Variants in PAPPA observed in about 807,000 individuals in gnomAD.
PAPPA encodes pappalysin 1.
Under a neutral mutation model 164.0 loss-of-function variants are expected in PAPPA, and 60 were observed. That is an observed-to-expected ratio of 0.37 (90% CI 0.30 to 0.45). PAPPA has a LOEUF of 0.45. PAPPA is among the 20% of genes least tolerant of loss of function. PAPPA has a pLI of 1.00. For missense variants in PAPPA, 1,782 were observed against 2,087.3 expected, an observed-to-expected ratio of 0.85 and a Z score of 2.85; for synonymous variants, 875 against 814.1, an observed-to-expected ratio of 1.07 and a Z score of -1.27.
At chr9:116,195,017 T>C (rs1245100718) in intron 2 of PAPPA, among the ~76,000 whole-genome samples, 1 of 152,228 alleles carries the variant, frequency 6.6e-6, no homozygotes, top group Non-Finnish European at 1.5e-5. Flanking sequence ...ACTTTTAAAA[T>C]GACCCAAATG....
chr9:116,288,821 A>C (rs1440711235), intron 9 of PAPPA: 1 of 151,876 alleles, frequency 6.6e-6, no homozygotes, highest in Non-Finnish European at 1.5e-5. Flanking sequence ...ATGGTCTTTG[A>C]GGTGAACCAA....
At chr9:116,205,278 G>A (rs1208102615) in intron 2 of PAPPA, among the ~76,000 whole-genome samples, 1 of 152,024 alleles carries the variant, frequency 6.6e-6, no homozygotes, top group East Asian at 1.9e-4. Context: ...GAAAAGATTG[G>A]CTTCTGCAAT....
At position 116,250,280 on chromosome 9, in the gene PAPPA, T is replaced by G. The variant is rs577855586; in HGVS notation, c.2732+14643T>G. Among the ~76,000 whole-genome samples, 3 of 152,292 alleles carry G rather than the reference T, an allele frequency of 2.0e-5. No homozygotes were observed. In the South Asian group the frequency reaches 6.2e-4, roughly 32 times the overall value. On this transcript the variant is annotated intron_variant, in intron 7 of 21. Transcript: ENST00000328252. Reference sequence around the variant, plus strand: ...GACACAACCTCACTGTGCAAAGCAATGCCAGCTCCCCTTCCATTCTGATGC... The same window carrying G: ...GACACAACCTCACTGTGCAAAGCAAGGCCAGCTCCCCTTCCATTCTGATGC...
intron 7 of PAPPA, among the ~76,000 whole-genome samples, chr9:116,255,399 A>G (rs1485327291): frequency 6.6e-6 from 1 of 152,102 alleles, no homozygotes; most frequent in Non-Finnish European, 1.5e-5. Flanking sequence ...AAAATTTGGT[A>G]AAGTAACTAA....
intron 10 of PAPPA, among the ~76,000 whole-genome samples, chr9:116,312,901 G>A (rs1038030156): frequency 2.6e-5 from 4 of 151,898 alleles, no homozygotes; most frequent in African/African-American, 9.7e-5. Flanking sequence ...GGCTAACACG[G>A]TGAAACCTCA....
chr9:116,319,498 T>G (rs1671345173), intron 10 of PAPPA, among the ~76,000 whole-genome samples: 1 of 152,166 alleles, frequency 6.6e-6, no homozygotes, highest in Non-Finnish European at 1.5e-5. Context: ...GTACTTCCAC[T>G]GCTATTGTGA....
At position 116,368,509 on chromosome 9, in the gene PAPPA, G is replaced by GC. The variant is rs376825349; in HGVS notation, c.4605+760dup. ...TGCCCCCAGCCAGATGACTACAGAG[G>GC]CCCCCTCCTCAGGGCAGTGTCAGTT... On this transcript the variant is annotated intron_variant, in intron 19 of 21. Coordinates refer to ENST00000328252, the MANE Select transcript of PAPPA (RefSeq NM_002581.5). Among the ~76,000 whole-genome samples the GC allele has an allele frequency of 1.4e-3, 207 of 152,250 alleles. 1 individual carries two copies. The highest frequency in any genetic ancestry group is 4.8e-3 in the African/African-American group (200 of 41,548).
At chr9:116,289,487 C>T (rs2118864214) in intron 9 of PAPPA, among the ~76,000 whole-genome samples, 1 of 151,064 alleles carries the variant, frequency 6.6e-6, no homozygotes, top group African/African-American at 2.4e-5. Context: ...ATGCATTTCT[C>T]ACAGAGCAAT....
chr9:116,323,721 C>T lies in PAPPA; in HGVS notation c.3148-7523C>T, dbSNP rs1025623802. Among the ~76,000 whole-genome samples the T allele has an allele frequency of 7.2e-5, 11 of 152,312 alleles. No homozygotes were observed. In the South Asian group the frequency reaches 2.3e-3, roughly 32 times the overall value. ...GTCAACAGGATGTTCACCTGCTGCA[C>T]AGTGTGGCTTTGTTTGTTTCTTTGT... On this transcript the variant is annotated intron_variant, in intron 10 of 21. Coordinates refer to ENST00000328252, the MANE Select transcript of PAPPA (RefSeq NM_002581.5).
chr9:116,347,189 G>A lies in PAPPA; in HGVS notation c.3944G>A (p.Arg1315His), dbSNP rs116551272. 657 of 1,612,716 alleles carry A rather than the reference G, an allele frequency of 4.1e-4. 1 individual carries two copies. The African/African-American group carries it at 7.3e-3, about 18-fold the overall frequency. Residue 1315 changes from arginine (R) to histidine (H), a missense_variant, in exon 15 of 22, where the codon CGT becomes CAT. Arg to His is a conservative substitution (Grantham distance 29, BLOSUM62 0). Around this residue, in one of 2 missense-constraint regions of PAPPA, gnomAD observed 1,324 missense variants for 1,656.9 expected, o/e 0.80. Transcript: ENST00000328252. This position sits in a 1 kb window ranked among gnomAD's most constrained non-coding sequence, Gnocchi z 4.5. ...TFGSQCSFQC[R>H]HPAQLKGNNS... ...GGCAGTCAATGTTCCTTCCAGTGCC[G>A]TCACCCTGCACAATTGAAAGGTATC...
At chr9:116,221,643 A>G (rs1432198913) in intron 5 of PAPPA, among the ~76,000 whole-genome samples, 1 of 152,148 alleles carries the variant, frequency 6.6e-6, no homozygotes. Flanking sequence ...GTATTGTGTT[A>G]TCTCAGACTC....
Position 116,347,037 on chromosome 9 carries a change from C to T in PAPPA, c.3792C>T (p.Ser1264=), listed in dbSNP as rs769469643. The stretch of plus-strand genomic sequence containing the variant: ...ACTCTGCCTTTCAGACGGGACCCAG[C>T]GTCACAGTGACCTGTACAGAGGGCA... The part of the protein sequence containing the change: ...DELIKSQTGP[S]VTVTCTEGKW... The change falls in exon 15 of 22, where the codon AGC becomes AGT. Residue 1264 remains serine, a synonymous_variant. Transcript: ENST00000328252. This position sits in a 1 kb window ranked among gnomAD's most constrained non-coding sequence, Gnocchi z 4.5. 3.4e-5 allele frequency: 55 copies of T among 1,611,880 alleles called. No homozygotes were observed. Among genetic ancestry groups the T allele is most frequent in the Middle Eastern group, 1.7e-4 (1 of 6,044 alleles).
intron 9 of PAPPA, chr9:116,286,630 C>A (rs1331952662): frequency 6.6e-6 from 1 of 152,048 alleles, no homozygotes; most frequent in African/African-American, 2.4e-5. Context: ...AATCACTTGC[C>A]AACAAAAACT....
At position 116,331,537 on chromosome 9, in the gene PAPPA, TG is replaced by T. The variant is rs1184832538; in HGVS notation, c.3261+181del. On this transcript the variant is annotated intron_variant, in intron 11 of 21. Transcript: ENST00000328252. ...AATGGAATCCTAATTGCTCATGGAA[TG>T]CCCCCACTGAGCTCTTGTTTTAGCA... 2.0e-5 allele frequency among the ~76,000 whole-genome samples: 3 copies of T among 152,358 alleles called. No individual in the cohort carries two copies. In the East Asian group the frequency reaches 5.8e-4, roughly 29 times the overall value.
intron 10 of PAPPA, among the ~76,000 whole-genome samples, chr9:116,311,374 G>A (rs1390400447): frequency 1.3e-5 from 2 of 152,152 alleles, no homozygotes; most frequent in African/African-American, 4.8e-5. Flanking sequence ...CTTTCGATAA[G>A]AAAAGACAAA....
chr9:116,312,288 C>CTTTTTTTTTTTTTTTTTTT (rs5900201), intron 10 of PAPPA, among the ~76,000 whole-genome samples: 89 of 129,606 alleles, frequency 6.9e-4, no homozygotes, highest in Non-Finnish European at 8.9e-4. Flanking sequence ...TTCTTTCTTT[C>CTTTTTTTTTTTTTTTTTTT]TTTTTTTTTT....
At chr9:116,386,760 T>C (rs1220132917) in intron 21 of PAPPA, among the ~76,000 whole-genome samples, 2 of 152,146 alleles carry the variant, frequency 1.3e-5, no homozygotes, top group Admixed American at 1.3e-4. Context: ...CCAGGGAACT[T>C]TGGCAAAGAG....
intron 4 of PAPPA, among the ~76,000 whole-genome samples, chr9:116,213,900 G>A (rs151259125): frequency 6.6e-6 from 1 of 152,212 alleles, no homozygotes. Context: ...TCAAAATGCA[G>A]AACAGGACTG....
chr9:116,321,069 C>G (rs911136539), intron 10 of PAPPA, among the ~76,000 whole-genome samples: 29 of 151,694 alleles, frequency 1.9e-4, no homozygotes, highest in African/African-American at 7.0e-4. Context: ...ACTCTTTCAC[C>G]CAGGCCGGAC....
Sources: allele counts gnomAD v4.1 joint callset (sites outside exome capture counted in the v4.1 genomes callset), GRCh38; gene constraint gnomAD v4.1.1; regional missense constraint gnomAD v4.1.1; non-coding constraint Gnocchi (gnomAD v3.1); transcripts MANE v1.5; gene names NCBI Gene and HGNC (gene_info 2026-07-23, HGNC 2026-07-21).